Variants in NPAS3 observed in about 807,000 individuals in gnomAD.
NPAS3 encodes the protein neuronal PAS domain-containing protein 3.
In NPAS3, 14 loss-of-function variants were observed where a neutral mutation model predicts 73.1. That is an observed-to-expected ratio of 0.19 (90% CI 0.13 to 0.30). The LOEUF is 0.30. Ranked by LOEUF, NPAS3 falls within the 10% of genes least tolerant of loss-of-function variation. NPAS3 has a pLI of 1.00. For missense variants in NPAS3, 1,096 were observed against 1,250.0 expected (o/e 0.88, Z 1.86); for synonymous variants, 620 against 541.5 (o/e 1.14, Z -2.01).
intron 3 of NPAS3, among the ~76,000 whole-genome samples, chr14:33,293,731 A>G (rs1050184969): frequency 2.6e-5 from 4 of 152,226 alleles, no homozygotes; most frequent in Admixed American, 2.0e-4. Flanking sequence ...ACAAAATTCC[A>G]AAAACTACAG....
chr14:33,254,952 G>T (rs372658972), intron 3 of NPAS3, among the ~76,000 whole-genome samples: 1 of 151,400 alleles, frequency 6.6e-6, no homozygotes, highest in Non-Finnish European at 1.5e-5. Flanking sequence ...AAACATTGGA[G>T]GAATTTGTAA....
intron 3 of NPAS3, among the ~76,000 whole-genome samples, chr14:33,308,139 C>A (rs1023293684): frequency 4.6e-5 from 7 of 152,092 alleles, no homozygotes; most frequent in Non-Finnish European, 7.3e-5. Context: ...ATCTAATGGA[C>A]CAGTGCCTCT....
chr14:33,595,098 TCAAAGC>T (rs2057195758), intron 5 of NPAS3, among the ~76,000 whole-genome samples: 1 of 152,224 alleles, frequency 6.6e-6, no homozygotes, highest in Non-Finnish European at 1.5e-5. Flanking sequence ...AATTTTTTCC[TCAAAGC>T]TAAATTTCTC....
At chr14:33,530,328 A>G (rs754555617) in intron 4 of NPAS3, among the ~76,000 whole-genome samples, 1 of 152,162 alleles carries the variant, frequency 6.6e-6, no homozygotes. Flanking sequence ...TGATATGAAT[A>G]CAGTTAGATC....
chr14:33,256,397 A>G (rs1035670428), intron 3 of NPAS3, among the ~76,000 whole-genome samples: 1 of 152,196 alleles, frequency 6.6e-6, no homozygotes. Context: ...ATTTTGATTG[A>G]TTTTGTTTCC....
rs541971208 is a variant in NPAS3 at position 33,346,300 on chromosome 14, G to A, written c.386-20886G>A. On this transcript the variant is annotated intron_variant, in intron 3 of 11. Coordinates refer to ENST00000356141, the Ensembl canonical transcript of NPAS3. Reference sequence around the variant, plus strand: ...TCTCAGCACTTTGGGAGGCCAAGGTGGGGGGATTGTTTGAAGCTCAAGTTC... The same window carrying A: ...TCTCAGCACTTTGGGAGGCCAAGGTAGGGGGATTGTTTGAAGCTCAAGTTC... 1.7e-4 allele frequency among the ~76,000 whole-genome samples: 26 copies of A among 151,762 alleles called. No individual in the cohort carries two copies. In the South Asian group the frequency reaches 3.7e-3, roughly 22 times the overall value.
At chr14:33,018,784 T>G (rs59955458) in intron 1 of NPAS3, among the ~76,000 whole-genome samples, 108 of 152,342 alleles carry the variant, frequency 7.1e-4, no homozygotes, top group African/African-American at 2.6e-3. Context: ...TTCTTCACAA[T>G]TAATTGTAAG....
chr14:33,093,670 G>T (rs1047744284), intron 2 of NPAS3, among the ~76,000 whole-genome samples: 4 of 152,114 alleles, frequency 2.6e-5, no homozygotes, highest in Non-Finnish European at 5.9e-5. Flanking sequence ...ACATGCACAC[G>T]TATGTTTATT....
chr14:33,765,364 A>G (rs1209694517), intron 7 of NPAS3, among the ~76,000 whole-genome samples: 1 of 151,582 alleles, frequency 6.6e-6, no homozygotes, highest in Non-Finnish European at 1.5e-5. Flanking sequence ...GAGCCATCAA[A>G]TGAAGGGTTA....
chr14:33,739,985 A>G (rs1157281491), intron 7 of NPAS3, among the ~76,000 whole-genome samples: 1 of 152,150 alleles, frequency 6.6e-6, no homozygotes, highest in Non-Finnish European at 1.5e-5. Context: ...CCCCTAATGC[A>G]TATAAGTAAA....
intron 2 of NPAS3, among the ~76,000 whole-genome samples, chr14:33,149,694 C>A (rs530657136): frequency 6.6e-6 from 1 of 152,182 alleles, no homozygotes; most frequent in African/African-American, 2.4e-5. Context: ...ATGTAGAAAG[C>A]CTTTAGATAT....
chr14:33,028,086 A>G (rs927196465), intron 1 of NPAS3, among the ~76,000 whole-genome samples: 2 of 152,326 alleles, frequency 1.3e-5, no homozygotes, highest in Non-Finnish European at 2.9e-5. Context: ...GGGTAAACTT[A>G]GTGCCTCATG....
intron 2 of NPAS3, among the ~76,000 whole-genome samples, chr14:33,197,610 A>G (rs1358418579): frequency 6.6e-6 from 1 of 152,222 alleles, no homozygotes; most frequent in African/African-American, 2.4e-5. Flanking sequence ...AAAAGGTCAA[A>G]ACCCAAACCC....
chr14:33,001,994 A>C (rs775454862), intron 1 of NPAS3, among the ~76,000 whole-genome samples: 3 of 152,202 alleles, frequency 2.0e-5, no homozygotes, highest in Non-Finnish European at 4.4e-5. Context: ...AAGGATGCTA[A>C]TTCTGACCCT....
chr14:32,959,872 G>A (rs890590553), intron 1 of NPAS3, among the ~76,000 whole-genome samples: 17 of 152,136 alleles, frequency 1.1e-4, no homozygotes, highest in African/African-American at 2.2e-4. Context: ...ACAAAGAGGG[G>A]ATATGCTGAC....
chr14:32,945,784 T>C (rs1174096681), intron 1 of NPAS3, among the ~76,000 whole-genome samples: 1 of 152,224 alleles, frequency 6.6e-6, no homozygotes, highest in African/African-American at 2.4e-5. Flanking sequence ...AGAATCAATA[T>C]TGAAAGCATC....
At position 33,527,456 on chromosome 14, in the gene NPAS3, C is replaced by G. The variant is rs543109318; in HGVS notation, c.469-32665C>G. Among the ~76,000 whole-genome samples the G allele has an allele frequency of 5.6e-4, 85 of 152,256 alleles. 1 individual carries two copies. In the East Asian group the frequency reaches 6.4e-3, roughly 11 times the overall value. On this transcript the variant is annotated intron_variant, in intron 4 of 11. Transcript: ENST00000356141. ...AAAATAAGATGTTATCTCTGTTTCTCAGAGATGTAGTCATTTCACTCAGAG... is the reference window on the plus strand; with the variant it reads ...AAAATAAGATGTTATCTCTGTTTCTGAGAGATGTAGTCATTTCACTCAGAG...
At chr14:33,792,916 C>A (rs770634482) in intron 9 of NPAS3, among the ~76,000 whole-genome samples, 27 of 152,220 alleles carry the variant, frequency 1.8e-4, no homozygotes, top group Non-Finnish European at 3.5e-4. Flanking sequence ...TGCTGCGATC[C>A]GCAGCCAAGT....
intron 4 of NPAS3, among the ~76,000 whole-genome samples, chr14:33,505,750 C>A (rs984553667): frequency 6.6e-6 from 1 of 151,962 alleles, no homozygotes; most frequent in Non-Finnish European, 1.5e-5. Flanking sequence ...CAGTTGAACA[C>A]CAATAGGCAG....
Sources: allele counts gnomAD v4.1 joint callset (sites outside exome capture counted in the v4.1 genomes callset), GRCh38; gene constraint gnomAD v4.1.1; transcripts MANE v1.5; gene names NCBI Gene and HGNC (gene_info 2026-07-23, HGNC 2026-07-21).